The following PTPRN2 variants were observed in gnomAD, a reference collection of about 807,000 sequenced individuals.
PTPRN2 encodes protein tyrosine phosphatase receptor type N2.
In PTPRN2, 74 loss-of-function variants were observed where a neutral mutation model predicts 118.8. The ratio of observed to expected loss-of-function variants is 0.62; its 90% CI spans 0.52 to 0.76. The LOEUF (loss-of-function observed/expected upper bound fraction) is 0.76. Among genes scored for constraint, PTPRN2 ranks in the 30% least tolerant of loss-of-function variants. The probability of loss-of-function intolerance (pLI) is 0.00; values close to 1 mark genes in which losing one functional copy is unlikely to be tolerated. For synonymous variants in PTPRN2, 641 were observed against 608.0 expected, an observed-to-expected ratio of 1.05 and a Z score of -0.80; for missense variants, 1,481 against 1,394.4, an observed-to-expected ratio of 1.06 and a Z score of -0.99.
chr7:158,253,314 C>T (rs1796806515), intron 3 of PTPRN2, among the ~76,000 whole-genome samples: 1 of 151,202 alleles, frequency 6.6e-6, no homozygotes, highest in African/African-American at 2.5e-5. Context: ...CGAGGACTGA[C>T]CGGGGCCAGC....
Position 157,938,880 on chromosome 7 carries a change from G to A in PTPRN2, c.1724-40143C>T, listed in dbSNP as rs148020423. On this transcript the variant is annotated intron_variant, in intron 11 of 22. Coordinates refer to ENST00000389418, the MANE Select transcript of PTPRN2 (RefSeq NM_002847.5). ...AGTGGCCCACAGAAAACAACCTGCC[G>A]GTGTCAAGATGCTCATATCAGTGCT... Among the ~76,000 whole-genome samples, 11 of 152,294 alleles carry A rather than the reference G, an allele frequency of 7.2e-5. No individual in the cohort carries two copies. The East Asian group carries it at 1.2e-3, about 16-fold the overall frequency.
intron 12 of PTPRN2, among the ~76,000 whole-genome samples, chr7:157,897,010 C>A (rs951233077): frequency 1.3e-5 from 2 of 152,124 alleles, no homozygotes; most frequent in African/African-American, 4.8e-5. Flanking sequence ...CCACCACAGC[C>A]GCTTCTCACG....
chr7:158,328,795 C>T (rs1363052305), intron 2 of PTPRN2, among the ~76,000 whole-genome samples: 1 of 39,334 alleles, frequency 2.5e-5, no homozygotes, highest in Non-Finnish European at 4.7e-5. Flanking sequence ...GCCTCCATTC[C>T]CCCCCCCCCG....
intron 2 of PTPRN2, among the ~76,000 whole-genome samples, chr7:158,366,331 C>A (rs112338602): frequency 3.4e-4 from 50 of 145,356 alleles, no homozygotes; most frequent in African/African-American, 1.1e-3. Context: ...ACACACACAC[C>A]CACAGCATCC....
chr7:158,336,650 C>T (rs28678560), intron 2 of PTPRN2, among the ~76,000 whole-genome samples: 1,543 of 82,166 alleles, frequency 0.019, no homozygotes, highest in Middle Eastern at 0.037. Context: ...CACACCCACA[C>T]GTCACTCACA....
intron 12 of PTPRN2, among the ~76,000 whole-genome samples, chr7:157,838,940 C>T (rs546041264): frequency 1.5e-5 from 2 of 137,114 alleles, no homozygotes; most frequent in East Asian, 4.2e-4. Flanking sequence ...AGCTCCTCTC[C>T]ACTGTGGCTA....
intron 12 of PTPRN2, among the ~76,000 whole-genome samples, chr7:157,832,503 C>T (rs1164545924): frequency 6.6e-6 from 1 of 152,202 alleles, no homozygotes; most frequent in Non-Finnish European, 1.5e-5. Context: ...TCCTAAGTTT[C>T]ACCCACGCTT....
chr7:158,568,340 G>A (rs1827781675), intron 1 of PTPRN2, among the ~76,000 whole-genome samples: 1 of 152,108 alleles, frequency 6.6e-6, no homozygotes. Flanking sequence ...GAGATGCAGA[G>A]AAAGGAGATG....
intron 12 of PTPRN2, among the ~76,000 whole-genome samples, chr7:157,885,497 T>C (rs559796935): frequency 3.9e-5 from 6 of 152,330 alleles, no homozygotes; most frequent in Admixed American, 2.0e-4. Context: ...TGCACCCGCC[T>C]GACGCTGGAA....
intron 11 of PTPRN2, among the ~76,000 whole-genome samples, chr7:157,969,124 C>CT (rs11395845): frequency 0.46 from 69,148 of 149,840 alleles, 15,966 homozygotes; most frequent in East Asian, 0.59. Flanking sequence ...TCAATGTTTC[C>CT]TTTTTTTTTT....
rs1430054499 is a variant in PTPRN2 at position 158,563,727 on chromosome 7, G to T, written c.112+23831C>A. Among the ~76,000 whole-genome samples the T allele has an allele frequency of 6.6e-6, 1 of 152,250 alleles. No homozygotes were observed. Among genetic ancestry groups the T allele is most frequent in the Non-Finnish European group, 1.5e-5 (1 of 68,048 alleles). ...TGATGTGTGAGGGGAGAAGAGAGGG[G>T]CCTTCCATCTAGGGGCACAGTCTCC... is the stretch of plus-strand genomic sequence containing the variant. On this transcript the variant is annotated intron_variant, in intron 1 of 22. Transcript: ENST00000389418. The surrounding 1 kb of genome is among the most constrained non-coding windows in gnomAD (Gnocchi z 5.1).
chr7:158,423,873 G>C (rs1472393481), intron 2 of PTPRN2, among the ~76,000 whole-genome samples: 1 of 152,120 alleles, frequency 6.6e-6, no homozygotes, highest in East Asian at 1.9e-4. Context: ...GCCAACACTG[G>C]AATGGAATCC....
chr7:158,171,220 TATATACACAC>T (rs1321571677), intron 5 of PTPRN2, among the ~76,000 whole-genome samples: 2 of 130,670 alleles, frequency 1.5e-5, no homozygotes, highest in African/African-American at 6.4e-5. Flanking sequence ...TATACACACA[TATATACACAC>T]ATATATATAC....
intron 12 of PTPRN2, among the ~76,000 whole-genome samples, chr7:157,687,499 T>C (rs1192352281): frequency 1.3e-5 from 2 of 152,228 alleles, no homozygotes; most frequent in African/African-American, 2.4e-5. Context: ...ACTTCTAACA[T>C]TGTTGATGCT....
intron 13 of PTPRN2, among the ~76,000 whole-genome samples, chr7:157,672,204 G>C (rs1170698185): frequency 1.3e-5 from 2 of 152,126 alleles, no homozygotes; most frequent in African/African-American, 4.8e-5. Context: ...GAACGGGAAG[G>C]CCTGAGCAAG....
intron 1 of PTPRN2, among the ~76,000 whole-genome samples, chr7:158,534,859 G>T (rs1219231262): frequency 7.0e-6 from 1 of 142,352 alleles, no homozygotes; most frequent in African/African-American, 2.5e-5. Flanking sequence ...TGGGCAGCCT[G>T]CACAGCCAGG....
intron 14 of PTPRN2, among the ~76,000 whole-genome samples, chr7:157,648,270 A>ACT (rs1211772344): frequency 2.2e-4 from 9 of 40,894 alleles, no homozygotes; most frequent in Non-Finnish European, 2.9e-4. Flanking sequence ...GGACCCATCC[A>ACT]GCATGCACTG....
At chr7:157,758,847 G>C (rs1006976369) in intron 12 of PTPRN2, among the ~76,000 whole-genome samples, 2 of 152,156 alleles carry the variant, frequency 1.3e-5, no homozygotes, top group South Asian at 4.1e-4. Context: ...TCTGCCTCCC[G>C]GATGGAGCCC....
At chr7:158,437,291 T>C (rs1816635545) in intron 2 of PTPRN2, among the ~76,000 whole-genome samples, 1 of 152,258 alleles carries the variant, frequency 6.6e-6, no homozygotes. Flanking sequence ...GATTACTTTG[T>C]TTATAGAATC....
Sources: gnomAD v4.1 joint callset for allele counts (sites outside exome capture counted in the v4.1 genomes callset) on GRCh38, gnomAD v4.1.1 for gene constraint, Gnocchi (gnomAD v3.1) non-coding constraint, MANE v1.5 for transcripts, NCBI Gene and HGNC (gene_info 2026-07-23, HGNC 2026-07-21) for gene names.